The following CATSPERB variants were observed in gnomAD, a reference collection of about 807,000 sequenced individuals.
CATSPERB encodes catsper channel auxiliary subunit beta, also known as cation channel sperm-associated auxiliary subunit beta.
Under a neutral mutation model 128.3 loss-of-function variants are expected in CATSPERB, and 93 were observed. That is an observed-to-expected ratio of 0.72 (90% CI 0.61 to 0.86). CATSPERB has a LOEUF of 0.86. Ranked by LOEUF, CATSPERB falls within the 40% of genes least tolerant of loss-of-function variation. CATSPERB has a pLI of 0.00. For missense variants in CATSPERB, 1,153 were observed against 1,329.5 expected (o/e 0.87, Z 2.06); for synonymous variants, 381 against 448.8 (o/e 0.85, Z 1.91).
chr14:91,713,406 T>C lies in CATSPERB; in HGVS notation c.371-5170A>G, dbSNP rs191272755. Among the ~76,000 whole-genome samples, 6 of 152,252 alleles carry C rather than the reference T, an allele frequency of 3.9e-5. No individual in the cohort carries two copies. In the East Asian group the frequency reaches 1.2e-3, roughly 29 times the overall value. On this transcript the variant is annotated intron_variant, in intron 5 of 26. Coordinates refer to ENST00000256343, the MANE Select transcript of CATSPERB (RefSeq NM_024764.4). Reference sequence around the variant, plus strand: ...ATTAATGAAATCAAAAGATGTCTCTTTGAAACATAAAAACCGATGAACCCT... The same window carrying C: ...ATTAATGAAATCAAAAGATGTCTCTCTGAAACATAAAAACCGATGAACCCT...
chr14:91,617,640 C>T lies in CATSPERB; in HGVS notation c.2357G>A (p.Ser786Asn). ...AGCTGCAGAAATTGTTATTACATAA[C>T]TGTCAGTATCATCAAAAGTCACTTC... ...TAEVTFDDTD[S>N]YVITISAASK... Residue 786 changes from serine to asparagine, a missense_variant, in exon 20 of 27, where the codon AGT becomes AAT. Physicochemically the swap from Ser to Asn is conservative, Grantham distance 46. Coordinates refer to ENST00000256343, the MANE Select transcript of CATSPERB (RefSeq NM_024764.4). 1.3e-6 allele frequency: 2 copies of T among 1,596,902 alleles called. No individual in the cohort carries two copies. The highest frequency in any genetic ancestry group is 1.7e-6 in the Non-Finnish European group (2 of 1,174,544).
intron 15 of CATSPERB, among the ~76,000 whole-genome samples, chr14:91,651,448 G>A (rs547898663): frequency 2.6e-5 from 4 of 152,232 alleles, no homozygotes; most frequent in African/African-American, 9.6e-5. Flanking sequence ...AACTATGTCT[G>A]CCCTCTGCAA....
At position 91,704,540 on chromosome 14, in the gene CATSPERB, C is replaced by A. The variant is rs1895704948; in HGVS notation, c.616+12G>T. 6.2e-7 allele frequency: 1 copy of A among 1,606,502 alleles called. No homozygotes were observed. The highest frequency in any genetic ancestry group is 1.7e-5 in the Admixed American group (1 of 58,586). ...AGGCCAATGTCAACATTTAATGAAG[C>A]TGTAGACCTACCATCAACTATTGTA... On this transcript the variant is annotated intron_variant, in intron 7 of 26. Coordinates refer to ENST00000256343, the MANE Select transcript of CATSPERB (RefSeq NM_024764.4).
intron 7 of CATSPERB, among the ~76,000 whole-genome samples, chr14:91,694,865 A>C (rs928336122): frequency 1.3e-5 from 2 of 152,184 alleles, no homozygotes; most frequent in Non-Finnish European, 2.9e-5. Context: ...AAGTTTTGTC[A>C]AAGGACATAA....
rs758546689 is a variant in CATSPERB at position 91,624,919 on chromosome 14, G to T, written c.1831C>A (p.Pro611Thr). Residue 611 changes from proline to threonine, a missense_variant, in exon 18 of 27, where the codon CCC (proline) becomes ACC (threonine). By Grantham distance (38) the Pro-to-Thr change is conservative (BLOSUM62 -1). Transcript: ENST00000256343. ...LSSVIAEMKE[P>T]FGLEEVNESS... ...TCATTCACTTCTTCTAATCCAAAGG[G>T]CTCTTTCATTTCTGCAATAACTGAG... 1 of 1,612,896 alleles carries T rather than the reference G, an allele frequency of 6.2e-7. No individual in the cohort carries two copies. The highest frequency in any genetic ancestry group is 8.5e-7 in the Non-Finnish European group (1 of 1,179,482).
chr14:91,712,453 T>C (rs1436366967), intron 5 of CATSPERB, among the ~76,000 whole-genome samples: 1 of 152,152 alleles, frequency 6.6e-6, no homozygotes, highest in Non-Finnish European at 1.5e-5. Flanking sequence ...CAGTAAGTAA[T>C]GGTAGTCATA....
chr14:91,605,465 C>T, intron 22 of CATSPERB: 4 of 445,778 alleles, frequency 9.0e-6, no homozygotes, highest in Non-Finnish European at 1.6e-5. Flanking sequence ...AAGTGAGTCG[C>T]CGCCACAGTA....
At chr14:91,693,750 T>C (rs1408931804) in intron 7 of CATSPERB, among the ~76,000 whole-genome samples, 1 of 152,214 alleles carries the variant, frequency 6.6e-6, no homozygotes, top group Non-Finnish European at 1.5e-5. Flanking sequence ...ATCTTCCAAA[T>C]TGTACTGTAT....
chr14:91,653,280 C>G (rs1294296183), intron 15 of CATSPERB, among the ~76,000 whole-genome samples: 2 of 152,132 alleles, frequency 1.3e-5, no homozygotes, highest in African/African-American at 4.8e-5. Flanking sequence ...TTTCTAATTT[C>G]TGTTAGACCT....
At chr14:91,598,405 C>A (rs1338664379) in intron 22 of CATSPERB, among the ~76,000 whole-genome samples, 1 of 151,872 alleles carries the variant, frequency 6.6e-6, no homozygotes, top group Non-Finnish European at 1.5e-5. Flanking sequence ...TTTAATATAA[C>A]TTTATATCCT....
chr14:91,636,328 A>C (rs1158638317), intron 17 of CATSPERB, 97 bp downstream of exon 17: 7 of 1,094,130 alleles, frequency 6.4e-6, no homozygotes, highest in Non-Finnish European at 9.5e-6. Context: ...GCACTACTGC[A>C]CTCCAGCCTG....
Position 91,591,705 on chromosome 14 carries a change from G to A in CATSPERB, c.2820+187C>T, listed in dbSNP as rs192102275. Among the ~76,000 whole-genome samples, 71 of 152,114 alleles carry A rather than the reference G, an allele frequency of 4.7e-4. No individual in the cohort carries two copies. In the East Asian group the frequency reaches 0.011, roughly 24 times the overall value. On this transcript the variant is annotated intron_variant, in intron 23 of 26. Coordinates refer to ENST00000256343, the MANE Select transcript of CATSPERB (RefSeq NM_024764.4). ...GCAGGTATTATTGTTTTATTTTACC[G>A]ATGAGGTTCATTAACTTGCAAGGTA...
In CATSPERB at chr14:91,639,020, T is replaced by C. The variant is rs1372667859; in HGVS notation, c.1587+76A>G. 37 of 1,287,660 alleles carry C rather than the reference T, an allele frequency of 2.9e-5. No individual in the cohort carries two copies. In the Admixed American group the frequency reaches 6.3e-4, roughly 22 times the overall value. 79.8% of individuals were successfully genotyped at this position (1,287,660 alleles called of 1,614,324 possible). On this transcript the variant is annotated intron_variant, in intron 16 of 26. Transcript: ENST00000256343. The stretch of plus-strand genomic sequence containing the variant: ...TCCCAAGGAAAATACTTTCCCATTT[T>C]CCCATTATTCTATGTATTGAATGTG...
At chr14:91,607,800 G>T (rs1304245477) in intron 22 of CATSPERB, among the ~76,000 whole-genome samples, 2 of 152,130 alleles carry the variant, frequency 1.3e-5, no homozygotes, top group African/African-American at 2.4e-5. Context: ...TTGAGAAGCT[G>T]CCCCACGCTG....
chr14:91,639,579 A>T (rs1479304940), intron 15 of CATSPERB, among the ~76,000 whole-genome samples: 1 of 152,200 alleles, frequency 6.6e-6, no homozygotes, highest in East Asian at 1.9e-4. Context: ...CTGAAGAGGT[A>T]AAAGTCAGCA....
chr14:91,610,754 G>T, intron 20 of CATSPERB, 77 bp from the exon 21 acceptor site: 2 of 1,332,890 alleles, frequency 1.5e-6, no homozygotes, highest in Non-Finnish European at 1.0e-6. Context: ...AAAATCACAT[G>T]TTGAAACCCC....
intron 7 of CATSPERB, among the ~76,000 whole-genome samples, chr14:91,693,837 G>T (rs899327111): frequency 6.6e-6 from 1 of 151,934 alleles, no homozygotes; most frequent in Admixed American, 6.6e-5. Context: ...TGACCTGAAG[G>T]CAATTGAGAA....
intron 7 of CATSPERB, among the ~76,000 whole-genome samples, chr14:91,697,254 G>T (rs1429859359): frequency 6.6e-6 from 1 of 152,044 alleles, no homozygotes; most frequent in East Asian, 1.9e-4. Context: ...CAGGCAAGGA[G>T]GAAAAAGAAG....
At chr14:91,722,912 T>C (rs1238999221) in intron 4 of CATSPERB, 137 bp downstream of exon 4, 1 of 544,908 alleles carries the variant, frequency 1.8e-6, no homozygotes, top group East Asian at 3.4e-5. Context: ...AAGCAAAAAG[T>C]GTAACACTAT....
Sources: allele counts gnomAD v4.1 joint callset (sites outside exome capture counted in the v4.1 genomes callset), GRCh38; gene constraint gnomAD v4.1.1; transcripts MANE v1.5; gene names NCBI Gene and HGNC (gene_info 2026-07-23, HGNC 2026-07-21).